CAPS2: variants seen among roughly 807,000 people sequenced by gnomAD.
CAPS2 encodes the protein calcyphosine 2, also known as calcyphosin-2.
A neutral mutation model predicts 86.5 loss-of-function variants in CAPS2; 98 were observed. That is an observed-to-expected ratio of 1.13 (90% CI 0.96 to 1.34). The LOEUF (loss-of-function observed/expected upper bound fraction) is 1.34, where lower values mean the gene tolerates loss of function less well. Ranked by LOEUF, CAPS2 falls within the 40% of genes most tolerant of loss-of-function variation. The pLI is 0.00. For missense variants in CAPS2, 729 were observed against 686.8 expected (o/e 1.06, Z -0.69); for synonymous variants, 210 against 225.1 (o/e 0.93, Z 0.60).
At chr12:75,350,223 G>A (rs903189634) in intron 1 of CAPS2, among the ~76,000 whole-genome samples, 1 of 152,224 alleles carries the variant, frequency 6.6e-6, no homozygotes, top group Non-Finnish European at 1.5e-5. Context: ...AGGGGTTTAT[G>A]GACAGATCTC....
At chr12:75,291,581 A>AGCT (rs2035934528) in intron 13 of CAPS2, among the ~76,000 whole-genome samples, 163 bp downstream of exon 13, 1 of 68,704 alleles carries the variant, frequency 1.5e-5, no homozygotes, top group Non-Finnish European at 3.3e-5. Flanking sequence ...ATATATATAT[A>AGCT]TATATATATA....
upstream of CAPS2, among the ~76,000 whole-genome samples, chr12:75,330,313 C>G (rs959500316): frequency 2.6e-5 from 4 of 152,240 alleles, no homozygotes; most frequent in Admixed American, 2.0e-4. Context: ...CGCAGCCTCC[C>G]AGGGAACCGG....
upstream of CAPS2, chr12:75,334,503 A>ACTCAGAGCTTTCCCCTGTAG (rs1241973043): frequency 9.3e-4 from 1,248 of 1,345,134 alleles, 6 homozygotes; most frequent in Middle Eastern, 0.01. Context: ...CCAGAGGGCG[A>ACTCAGAGCTTTCCCCTGTAG]CTCAGAGCTT....
chr12:75,292,998 C>A (rs554221098), intron 12 of CAPS2, among the ~76,000 whole-genome samples: 1 of 151,680 alleles, frequency 6.6e-6, no homozygotes, highest in South Asian at 2.1e-4. Context: ...ATAGCAAAGG[C>A]AAATTAATAA....
intron 8 of CAPS2, 132 bp from the exon 9 acceptor site, chr12:75,300,043 A>AG: frequency 2.3e-6 from 1 of 436,500 alleles, no homozygotes; most frequent in South Asian, 6.4e-5. Flanking sequence ...GTAAAAAAAA[A>AG]CTCTTTTTTT....
intron 6 of CAPS2, among the ~76,000 whole-genome samples, chr12:75,313,162 G>A (rs1424663237): frequency 6.6e-6 from 1 of 152,088 alleles, no homozygotes. Context: ...AAAATCATCA[G>A]AATTTTCATG....
intron 2 of CAPS2, 25 bp downstream of exon 3, chr12:75,325,214 C>A: frequency 6.5e-7 from 1 of 1,545,540 alleles, no homozygotes; most frequent in South Asian, 1.2e-5. Flanking sequence ...ATTAAACAGT[C>A]CAAATGTGAA....
intron 7 of CAPS2, among the ~76,000 whole-genome samples, chr12:75,312,327 G>A (rs1185780585): frequency 1.3e-5 from 2 of 152,140 alleles, no homozygotes; most frequent in Non-Finnish European, 2.9e-5. Context: ...CCTCAGGGTA[G>A]TTCACAGTTT....
chr12:75,276,728 G>T, downstream of CAPS2: 1 of 826,718 alleles, frequency 1.2e-6, no homozygotes, highest in Non-Finnish European at 1.5e-6. Flanking sequence ...TCCATAAACA[G>T]TATGGTTAAC....
chr12:75,284,254 G>A (rs557934782), intron 15 of CAPS2, among the ~76,000 whole-genome samples: 6 of 152,210 alleles, frequency 3.9e-5, no homozygotes, highest in African/African-American at 1.4e-4. Context: ...TAAAAGTAGA[G>A]ACTAATTTCT....
chr12:75,369,888 G>T (rs539695224), intron 1 of CAPS2: 19 of 1,322,768 alleles, frequency 1.4e-5, no homozygotes, highest in Middle Eastern at 2.8e-4. Context: ...TATTCTAAAA[G>T]CCATAAAAGC....
At chr12:75,360,518 T>C (rs1017058257) in intron 1 of CAPS2, 1 of 152,162 alleles carries the variant, frequency 6.6e-6, no homozygotes. Flanking sequence ...AGTGGGGCAG[T>C]CATTAAATCT....
intron 1 of CAPS2, among the ~76,000 whole-genome samples, chr12:75,372,457 G>A (rs2044422547): frequency 6.6e-6 from 1 of 152,140 alleles, no homozygotes; most frequent in African/African-American, 2.4e-5. Context: ...TGTATCTCCT[G>A]GTGGCAGCAT....
upstream of CAPS2, among the ~76,000 whole-genome samples, chr12:75,327,252 T>G (rs1243505202): frequency 6.6e-6 from 1 of 152,202 alleles, no homozygotes; most frequent in Non-Finnish European, 1.5e-5. Context: ...CCCAAACCTT[T>G]ATGAGTTTTG....
chr12:75,319,251 G>A (rs1447041852), intron 5 of CAPS2, among the ~76,000 whole-genome samples: 2 of 152,168 alleles, frequency 1.3e-5, no homozygotes, highest in Non-Finnish European at 2.9e-5. Flanking sequence ...TAAGCCTCAT[G>A]TTGAAATTTA....
upstream of CAPS2, chr12:75,329,873 G>A: frequency 6.5e-7 from 1 of 1,542,424 alleles, no homozygotes; most frequent in Admixed American, 2.0e-5. Context: ...CTACCTAACT[G>A]GGATTCCTGG....
At chr12:75,298,334 G>A (rs993017628) in intron 11 of CAPS2, 8 of 202,234 alleles carry the variant, frequency 4.0e-5, no homozygotes, top group Admixed American at 1.1e-4. Flanking sequence ...TCCATCCTCG[G>A]AGGATAAACC....
At chr12:75,297,939 C>T (rs1399589933) in intron 11 of CAPS2, among the ~76,000 whole-genome samples, 1 of 152,082 alleles carries the variant, frequency 6.6e-6, no homozygotes, top group African/African-American at 2.4e-5. Context: ...TAGGCCATCA[C>T]CCCTCCTATC....
rs188569727 is a variant in CAPS2 at position 75,377,521 on chromosome 12, C to A, written c.-395+13317G>T. ...CAGAGGCCCGAGAGCCCCTGGTAAA[C>A]CACTGGTGTAAATCCAAGACTCCAA... On this transcript the variant is annotated intron_variant, in intron 1 of 5. Transcript: ENST00000551829. 2.8e-3 allele frequency among the ~76,000 whole-genome samples: 419 copies of A among 152,256 alleles called. 2 individuals are homozygous for A. Among genetic ancestry groups the A allele is most frequent in the African/African-American group, 8.4e-3 (351 of 41,544 alleles).
Sources: gnomAD v4.1 joint callset for allele counts (sites outside exome capture counted in the v4.1 genomes callset) on GRCh38, gnomAD v4.1.1 for gene constraint, MANE v1.5 for transcripts, NCBI Gene and HGNC (gene_info 2026-07-23, HGNC 2026-07-21) for gene names.